The following SGCZ variants were observed in gnomAD, a reference collection of about 807,000 sequenced individuals.
The protein encoded by SGCZ is zeta-sarcoglycan.
Under a neutral mutation model 41.3 loss-of-function variants are expected in SGCZ, and 40 were observed. The ratio of observed to expected loss-of-function variants is 0.97; its 90% CI spans 0.75 to 1.26. SGCZ has a LOEUF of 1.26. Among genes scored for constraint, SGCZ ranks in the 50% most tolerant of loss-of-function variants. The pLI is 0.00. For missense variants in SGCZ, 552 were observed against 369.8 expected, an observed-to-expected ratio of 1.49 and a Z score of -4.04; for synonymous variants, 206 against 137.5, an observed-to-expected ratio of 1.50 and a Z score of -3.49.
chr8:14,866,950 T>G (rs1199061004), intron 1 of SGCZ, among the ~76,000 whole-genome samples: 1 of 152,158 alleles, frequency 6.6e-6, no homozygotes, highest in Non-Finnish European at 1.5e-5. Flanking sequence ...CTGTTTTGTT[T>G]GTTTGTTTTG....
intron 1 of SGCZ, among the ~76,000 whole-genome samples, chr8:14,571,350 T>G (rs73535212): frequency 0.017 from 2,616 of 152,240 alleles, 70 homozygotes; most frequent in African/African-American, 0.06. Context: ...ATATCAACAA[T>G]TGCAAATGTA....
intron 3 of SGCZ, among the ~76,000 whole-genome samples, chr8:14,242,609 C>A (rs1014002664): frequency 5.3e-5 from 8 of 152,142 alleles, no homozygotes; most frequent in African/African-American, 1.7e-4. Flanking sequence ...CTGTTGACGG[C>A]AATGTGTGCT....
chr8:14,243,077 T>C (rs7840280), intron 3 of SGCZ, among the ~76,000 whole-genome samples: 151,567 of 152,310 alleles, frequency 1, 75,419 homozygotes, highest in East Asian at 1. Context: ...AGATTCCAAA[T>C]GAGGAGGGTA....
At chr8:14,565,228 C>T (rs1319103509) in intron 1 of SGCZ, among the ~76,000 whole-genome samples, 1 of 151,956 alleles carries the variant, frequency 6.6e-6, no homozygotes, top group East Asian at 1.9e-4. Flanking sequence ...TCTTAGTTTT[C>T]TTTACATACC....
At chr8:14,245,588 G>T (rs1799058220) in intron 3 of SGCZ, among the ~76,000 whole-genome samples, 1 of 152,082 alleles carries the variant, frequency 6.6e-6, no homozygotes, top group Admixed American at 6.6e-5. Flanking sequence ...AGCCAAAATT[G>T]ACAAATGGGA....
At chr8:14,236,410 G>A (rs1050488334) in intron 4 of SGCZ, among the ~76,000 whole-genome samples, 2 of 151,778 alleles carry the variant, frequency 1.3e-5, no homozygotes, top group Non-Finnish European at 2.9e-5. Flanking sequence ...ATTCATATAT[G>A]CTAAAATGTC....
At chr8:14,445,782 A>T (rs1455111400) in intron 2 of SGCZ, among the ~76,000 whole-genome samples, 1 of 152,166 alleles carries the variant, frequency 6.6e-6, no homozygotes, top group Non-Finnish European at 1.5e-5. Flanking sequence ...TAGTCTGCAG[A>T]CAGTGGAGTT....
chr8:14,573,393 G>C (rs1431065473), intron 1 of SGCZ, among the ~76,000 whole-genome samples: 2 of 151,552 alleles, frequency 1.3e-5, no homozygotes, highest in Non-Finnish European at 2.9e-5. Flanking sequence ...GTAGAGACGG[G>C]GTTTCACCGT....
At chr8:14,151,922 T>G (rs1194102718) in intron 5 of SGCZ, among the ~76,000 whole-genome samples, 2 of 141,194 alleles carry the variant, frequency 1.4e-5, no homozygotes, top group African/African-American at 4.9e-5. Flanking sequence ...ACTCACATTT[T>G]GTACAAAAAT....
intron 3 of SGCZ, among the ~76,000 whole-genome samples, chr8:14,312,065 T>C (rs189306168): frequency 1.3e-3 from 189 of 148,176 alleles, no homozygotes; most frequent in African/African-American, 4.8e-3. Flanking sequence ...GGGGACAATG[T>C]TTTTTTGAAG....
At chr8:14,192,481 TG>T (rs1805135493) in intron 4 of SGCZ, among the ~76,000 whole-genome samples, 1 of 152,056 alleles carries the variant, frequency 6.6e-6, no homozygotes, top group East Asian at 1.9e-4. Context: ...TGAAAGTCTT[TG>T]TTATCTCCCA....
At chr8:15,166,057 T>C (rs913506961) in intron 1 of SGCZ, among the ~76,000 whole-genome samples, 1 of 152,192 alleles carries the variant, frequency 6.6e-6, no homozygotes, top group African/African-American at 2.4e-5. Flanking sequence ...TCGAGTGTTT[T>C]AAACCTCGAA....
At chr8:15,149,200 G>T (rs1177017647) in intron 1 of SGCZ, among the ~76,000 whole-genome samples, 8 of 152,072 alleles carry the variant, frequency 5.3e-5, no homozygotes, top group African/African-American at 1.9e-4. Flanking sequence ...TTGACTAAAT[G>T]ACTATCCTTC....
At chr8:14,990,104 C>G (rs959911915) in intron 1 of SGCZ, among the ~76,000 whole-genome samples, 1 of 152,122 alleles carries the variant, frequency 6.6e-6, no homozygotes, top group African/African-American at 2.4e-5. Context: ...CAAACGTTGC[C>G]CTGCACACAG....
chr8:14,799,326 AT>A (rs1303020767), intron 1 of SGCZ, among the ~76,000 whole-genome samples: 1 of 152,150 alleles, frequency 6.6e-6, no homozygotes, highest in Non-Finnish European at 1.5e-5. Flanking sequence ...AGTTGGATGC[AT>A]TTTGTAAAAA....
chr8:14,511,735 A>G (rs1802473814), intron 2 of SGCZ, among the ~76,000 whole-genome samples: 2 of 152,092 alleles, frequency 1.3e-5, no homozygotes, highest in Non-Finnish European at 2.9e-5. Flanking sequence ...AAATTAATCC[A>G]AGTTGTTAAG....
intron 1 of SGCZ, among the ~76,000 whole-genome samples, chr8:14,613,194 G>C (rs1033959165): frequency 2.6e-5 from 4 of 152,026 alleles, no homozygotes; most frequent in African/African-American, 9.7e-5. Flanking sequence ...TAAATGAGAG[G>C]TCACAACATA....
At chr8:14,505,199 T>C (rs1274337635) in intron 2 of SGCZ, among the ~76,000 whole-genome samples, 1 of 152,282 alleles carries the variant, frequency 6.6e-6, no homozygotes, top group African/African-American at 2.4e-5. Context: ...ACTGAGTTAT[T>C]AAAGGTTCTT....
intron 1 of SGCZ, among the ~76,000 whole-genome samples, chr8:14,636,339 C>T (rs1343449056): frequency 6.6e-6 from 1 of 151,654 alleles, no homozygotes; most frequent in African/African-American, 2.4e-5. Flanking sequence ...ACGTTAACCA[C>T]AATATATGGA....
Sources: gnomAD v4.1 joint callset for allele counts (sites outside exome capture counted in the v4.1 genomes callset) on GRCh38, gnomAD v4.1.1 for gene constraint, MANE v1.5 for transcripts, NCBI Gene and HGNC (gene_info 2026-07-23, HGNC 2026-07-21) for gene names.